Variants in PKP2 observed in about 807,000 individuals in gnomAD.
The protein encoded by PKP2 is plakophilin-2.
A neutral mutation model predicts 83.4 loss-of-function variants in PKP2; 73 were observed. That is an observed-to-expected ratio of 0.88 (90% CI 0.72 to 1.06). PKP2 has a LOEUF of 1.06. PKP2 is among the 50% of genes least tolerant of loss of function. The probability of loss-of-function intolerance (pLI) is 0.00; values close to 1 mark genes in which losing one functional copy is unlikely to be tolerated. For synonymous variants in PKP2, 409 were observed against 430.4 expected, an observed-to-expected ratio of 0.95 and a Z score of 0.62; for missense variants, 966 against 1,065.4, an observed-to-expected ratio of 0.91 and a Z score of 1.30.
chr12:32,874,201 C>A (rs1181679005), intron 3 of PKP2, among the ~76,000 whole-genome samples: 2 of 152,110 alleles, frequency 1.3e-5, no homozygotes, highest in Non-Finnish European at 2.9e-5. Flanking sequence ...TTTCACTAGG[C>A]ATAAAAACTT....
At chr12:32,801,760 C>T (rs1565574351) in intron 10 of PKP2, among the ~76,000 whole-genome samples, 2 of 150,318 alleles carry the variant, frequency 1.3e-5, no homozygotes, top group Non-Finnish European at 3.0e-5. Flanking sequence ...ATACAACAAA[C>T]ATTTATCACA....
At chr12:32,839,831 C>T (rs560857513) in intron 6 of PKP2, among the ~76,000 whole-genome samples, 3 of 152,294 alleles carry the variant, frequency 2.0e-5, no homozygotes, top group Admixed American at 2.0e-4. Flanking sequence ...ATTCAATGGG[C>T]AGTACAGAAG....
At chr12:32,856,454 G>GA (rs1381100515) in intron 4 of PKP2, among the ~76,000 whole-genome samples, 1 of 152,014 alleles carries the variant, frequency 6.6e-6, no homozygotes, top group Non-Finnish European at 1.5e-5. Flanking sequence ...AATACTTTTA[G>GA]AAGTAGCATT....
Position 32,864,309 on chromosome 12 carries a change from TACACACACACACACAC to T in PKP2, c.1170+4602_1170+4617del, listed in dbSNP as rs35886681. Among the ~76,000 whole-genome samples the T allele has an allele frequency of 1.8e-3, 263 of 145,848 alleles. 3 individuals are homozygous for T. The highest frequency in any genetic ancestry group is 6.2e-3 in the African/African-American group (248 of 40,098). Reference sequence around the variant, plus strand: ...GAGGTTCTAGCAAGTACTATACACATACACACACACACACACACACACACACACATACACACGTAAA... The same window carrying T: ...GAGGTTCTAGCAAGTACTATACACATACACACACACACATACACACGTAAA... On this transcript the variant is annotated intron_variant, in intron 4 of 12. Coordinates refer to ENST00000340811, the MANE Select transcript of PKP2 (RefSeq NM_001005242.3).
At chr12:32,865,155 A>T (rs1263167638) in intron 4 of PKP2, among the ~76,000 whole-genome samples, 1 of 152,024 alleles carries the variant, frequency 6.6e-6, no homozygotes, top group African/African-American at 2.4e-5. Context: ...TGAGTGGATC[A>T]CTTGAGGTCA....
intron 6 of PKP2, among the ~76,000 whole-genome samples, chr12:32,836,674 A>G (rs1592744400): frequency 6.6e-6 from 1 of 152,226 alleles, no homozygotes; most frequent in East Asian, 1.9e-4. Context: ...CTCTGAATAC[A>G]CTCTCGGCTC....
At chr12:32,872,511 G>A (rs533177330) in intron 3 of PKP2, among the ~76,000 whole-genome samples, 5 of 152,110 alleles carry the variant, frequency 3.3e-5, no homozygotes, top group Non-Finnish European at 7.4e-5. Flanking sequence ...TCCAGCCTGG[G>A]CAACAAGAGT....
intron 1 of PKP2, among the ~76,000 whole-genome samples, chr12:32,889,530 T>A (rs1957059161): frequency 6.6e-6 from 1 of 152,204 alleles, no homozygotes; most frequent in African/African-American, 2.4e-5. Context: ...ACAAGTTAAT[T>A]GTTGATTAGT....
At chr12:32,840,946 A>T in intron 6 of PKP2, 82 bp downstream of exon 6, 1 of 966,268 alleles carries the variant, frequency 1.0e-6, no homozygotes, top group Non-Finnish European at 1.7e-6. Flanking sequence ...AAAGAACCAA[A>T]GGCAGAATAT....
At chr12:32,858,708 T>C (rs1270004050) in intron 4 of PKP2, among the ~76,000 whole-genome samples, 1 of 152,196 alleles carries the variant, frequency 6.6e-6, no homozygotes, top group African/African-American at 2.4e-5. Flanking sequence ...ATTTGCCACA[T>C]ATGTAACAAC....
rs1425675043 is a variant in PKP2, at chr12:32,896,722, G to A, written c.10C>T (p.Pro4Ser). MAA[P>S]GAPAEYGYIR... ...TAGCCGTACTCAGCTGGGGCGCCGG[G>A]GGCTGCCATGGGGCCGGTGGGGGCG... is the stretch of plus-strand genomic sequence containing the variant. The change falls in exon 1 of 13, where the codon CCC becomes TCC. Residue 4 changes from proline to serine, a missense_variant. Physicochemically the swap from Pro to Ser is moderately conservative, Grantham distance 74. Transcript: ENST00000340811. The A allele has an allele frequency of 6.8e-7, 1 of 1,461,358 alleles. No individual in the cohort carries two copies. The highest frequency in any genetic ancestry group is 9.0e-7 in the Non-Finnish European group (1 of 1,107,134). 90.5% of individuals were successfully genotyped at this position (1,461,358 alleles called of 1,614,324 possible).
At chr12:32,805,540 G>A (rs1481562001) in intron 9 of PKP2, among the ~76,000 whole-genome samples, 1 of 152,144 alleles carries the variant, frequency 6.6e-6, no homozygotes, top group African/African-American at 2.4e-5. Flanking sequence ...AGTTCTCCCA[G>A]CACCGTTTAT....
At chr12:32,835,018 G>C (rs111706336) in intron 6 of PKP2, among the ~76,000 whole-genome samples, 66 of 92,870 alleles carry the variant, frequency 7.1e-4, no homozygotes, top group Admixed American at 1.4e-3. Context: ...TGTGTGTCTA[G>C]GAGGGTATGG....
intron 3 of PKP2, among the ~76,000 whole-genome samples, chr12:32,873,592 C>T (rs930612136): frequency 2.0e-5 from 3 of 152,044 alleles, no homozygotes; most frequent in Non-Finnish European, 4.4e-5. Flanking sequence ...TGCAATGGCA[C>T]GATACCAGCT....
intron 3 of PKP2, among the ~76,000 whole-genome samples, chr12:32,875,062 T>A (rs151258575): frequency 3.3e-5 from 5 of 152,200 alleles, no homozygotes; most frequent in Non-Finnish European, 7.3e-5. Flanking sequence ...CATATATTTA[T>A]ACAGTGCCTA....
chr12:32,796,206 T>C lies in PKP2; in HGVS notation c.2260A>G (p.Thr754Ala), dbSNP rs112592855. ...CTGTTTTGGATTATGTTGTTCAATG[T>C]GTAACAGGCAGAGGCTGTAGTTTCA... ...LIETTASACY[T>A]LNNIIQNSYQ... Residue 754 changes from threonine to alanine, a missense_variant, in exon 11 of 13, where the codon ACA becomes GCA. By Grantham distance (58) the Thr-to-Ala change is moderately conservative (BLOSUM62 0). Transcript: ENST00000340811. 724 of 1,613,816 alleles carry C rather than the reference T, an allele frequency of 4.5e-4. 4 individuals carry two copies. In the African/African-American group the frequency reaches 7.8e-3, roughly 17 times the overall value.
chr12:32,892,183 G>C (rs1324708324), intron 1 of PKP2, among the ~76,000 whole-genome samples: 3 of 151,808 alleles, frequency 2.0e-5, no homozygotes, highest in East Asian at 1.9e-4. Flanking sequence ...TTCATTCCTG[G>C]GATTCCTTTT....
intron 9 of PKP2, among the ~76,000 whole-genome samples, chr12:32,804,342 G>A (rs749776650): frequency 8.5e-5 from 13 of 152,228 alleles, no homozygotes; most frequent in African/African-American, 3.1e-4. Context: ...TGTGTAGGAT[G>A]TGTAGGTTTG....
chr12:32,858,339 T>TA (rs1222696246), intron 4 of PKP2, among the ~76,000 whole-genome samples: 1 of 150,398 alleles, frequency 6.6e-6, no homozygotes. Flanking sequence ...AAACCAGGAA[T>TA]AAAAAAAGAT....
Sources: allele counts gnomAD v4.1 joint callset (sites outside exome capture counted in the v4.1 genomes callset), GRCh38; gene constraint gnomAD v4.1.1; transcripts MANE v1.5; gene names NCBI Gene and HGNC (gene_info 2026-07-23, HGNC 2026-07-21).